Variants in NCKAP5L observed in about 807,000 individuals in gnomAD.
NCKAP5L encodes nck-associated protein 5-like.
NCKAP5L carries 54 observed loss-of-function variants against 103.2 expected under a neutral mutation model. The observed-to-expected ratio is 0.52, with a 90% CI of 0.42 to 0.66. The LOEUF (loss-of-function observed/expected upper bound fraction) is 0.66. Ranked by LOEUF, NCKAP5L falls within the 30% of genes least tolerant of loss-of-function variation. The pLI, the probability that NCKAP5L is intolerant of heterozygous loss-of-function variation, is 0.00. For synonymous variants in NCKAP5L, 762 were observed against 748.6 expected, an observed-to-expected ratio of 1.02 and a Z score of -0.29; for missense variants, 1,733 against 1,750.6, an observed-to-expected ratio of 0.99 and a Z score of 0.18.
chr12:49,824,027 G>A (rs1248023862), intron 1 of NCKAP5L, among the ~76,000 whole-genome samples: 1 of 152,230 alleles, frequency 6.6e-6, no homozygotes, highest in Non-Finnish European at 1.5e-5. Flanking sequence ...AGTGTTTTGG[G>A]AAGGTGCTGA....
At chr12:49,810,376 A>G (rs1312979003) in intron 1 of NCKAP5L, among the ~76,000 whole-genome samples, 1 of 152,156 alleles carries the variant, frequency 6.6e-6, no homozygotes, top group Non-Finnish European at 1.5e-5. Context: ...CATGGAGTCC[A>G]GTTCGAACTC....
chr12:49,813,002 C>T (rs149647556), intron 1 of NCKAP5L, among the ~76,000 whole-genome samples: 6 of 152,268 alleles, frequency 3.9e-5, no homozygotes, highest in Admixed American at 1.3e-4. Context: ...GCTATGTAAA[C>T]AGTTGTTACT....
chr12:49,797,330 A>G lies in NCKAP5L; in HGVS notation c.530T>C (p.Leu177Pro), dbSNP rs747705064. The change falls in exon 8 of 13, where the codon CTG (leucine) becomes CCG (proline). Residue 177 changes from leucine to proline, a missense_variant. Leu to Pro is a moderately conservative substitution (Grantham distance 98). Coordinates refer to ENST00000335999, the MANE Select transcript of NCKAP5L (RefSeq NM_001037806.4). The surrounding 1 kb of genome is among the most constrained non-coding windows in gnomAD (Gnocchi z 4.5). ...PGPPAAPPPA[L>P]DALSPFLRKK... ...CCGAAGGAACGGGGATAGGGCATCC[A>G]GCGCTGGGGGTGGGGCGGCTGGGGG... The G allele has an allele frequency of 7.4e-6, 12 of 1,612,620 alleles. No homozygotes were observed. Among genetic ancestry groups the G allele is most frequent in the African/African-American group, 5.3e-5 (4 of 74,896 alleles).
In NCKAP5L at chr12:49,795,628, C is replaced by G. The variant is rs757695125; in HGVS notation, c.2232G>C (p.Met744Ile). 1.0e-5 allele frequency: 16 copies of G among 1,607,822 alleles called. No individual in the cohort carries two copies. The highest frequency in any genetic ancestry group is 1.4e-5 in the Non-Finnish European group (16 of 1,177,040). Reference protein sequence around the residue: ...NSLKQQEPGLMGDPGARVYSS... With the variant: ...NSLKQQEPGLIGDPGARVYSS... ...AGTAGACTCGGGCCCCGGGATCCCC[C>G]ATAAGTCCAGGTTCCTGCTGCTTCA... Residue 744 changes from methionine (M) to isoleucine (I), a missense_variant, in exon 8 of 13, where the codon ATG (methionine) becomes ATC (isoleucine). Coordinates refer to ENST00000335999, the MANE Select transcript of NCKAP5L (RefSeq NM_001037806.4).
chr12:49,816,798 TAA>T (rs34850509), intron 1 of NCKAP5L, among the ~76,000 whole-genome samples: 12 of 138,134 alleles, frequency 8.7e-5, no homozygotes, highest in Admixed American at 2.2e-4. Flanking sequence ...GTCTGTCTCA[TAA>T]AAAAAAAAAA....
Position 49,793,444 on chromosome 12 carries a change from T to A in NCKAP5L, c.3259-11A>T. 1 of 1,609,158 alleles carries A rather than the reference T, an allele frequency of 6.2e-7. No homozygotes were observed. Among genetic ancestry groups the A allele is most frequent in the Non-Finnish European group, 8.5e-7 (1 of 1,179,538 alleles). On this transcript the variant is annotated splice_polypyrimidine_tract_variant and intron_variant, in intron 9 of 12. Coordinates refer to ENST00000335999, the MANE Select transcript of NCKAP5L (RefSeq NM_001037806.4). Reference sequence around the variant, plus strand: ...TGGCTCGCTGCTCGGCTGTGTGGGATACAGGAGACCTCATAGTCCACTCCT... The same window carrying A: ...TGGCTCGCTGCTCGGCTGTGTGGGAAACAGGAGACCTCATAGTCCACTCCT...
At chr12:49,800,357 T>A (rs1405542151) in intron 6 of NCKAP5L, among the ~76,000 whole-genome samples, 1 of 152,198 alleles carries the variant, frequency 6.6e-6, no homozygotes, top group African/African-American at 2.4e-5. Context: ...AGTCCCAGGG[T>A]CCTGGGCTCC....
intron 1 of NCKAP5L, among the ~76,000 whole-genome samples, chr12:49,827,149 T>G (rs1038435944): frequency 6.6e-6 from 1 of 152,120 alleles, no homozygotes; most frequent in Non-Finnish European, 1.5e-5. Context: ...GCTATGTTCA[T>G]TTTCCCCGAA....
At chr12:49,827,510 C>T (rs1946431596) in intron 1 of NCKAP5L, among the ~76,000 whole-genome samples, 1 of 152,236 alleles carries the variant, frequency 6.6e-6, no homozygotes, top group Non-Finnish European at 1.5e-5. Flanking sequence ...GGGCCCAGGA[C>T]AGGGAGAGGG....
Position 49,791,918 on chromosome 12 carries a change from C to A in NCKAP5L, c.3926G>T (p.Gly1309Val), listed in dbSNP as rs1488952496. The A allele has an allele frequency of 6.2e-7, 1 of 1,611,522 alleles. No individual in the cohort carries two copies. Among genetic ancestry groups the A allele is most frequent in the Non-Finnish European group, 8.5e-7 (1 of 1,179,118 alleles). ...MAEEGRVASG[G>V]PPGLETSESL... ...CTCCGAGGTCTCCAGCCCTGGGGGG[C>A]CCCCGCTGGCCACTCTGCCTTCCTC... Residue 1309 changes from glycine (G) to valine (V), a missense_variant, in exon 13 of 13, where the codon GGC (glycine) becomes GTC (valine). Coordinates refer to ENST00000335999, the MANE Select transcript of NCKAP5L (RefSeq NM_001037806.4).
At position 49,795,678 on chromosome 12, in the gene NCKAP5L, C is replaced by A. The variant is rs760633301; in HGVS notation, c.2182G>T (p.Ala728Ser). ...QLEAKGGIRG[A>S]VALGTNSLKQ... Reference sequence around the variant, plus strand: ...AGGCTGTTTGTGCCCAAGGCCACTGCCCCCCGTATCCCCCCCTTGGCTTCT... The same window carrying A: ...AGGCTGTTTGTGCCCAAGGCCACTGACCCCCGTATCCCCCCCTTGGCTTCT... The change falls in exon 8 of 13, where the codon GCA becomes TCA. Residue 728 changes from alanine (A) to serine (S), a missense_variant. By Grantham distance (99) the Ala-to-Ser change is moderately conservative. Coordinates refer to ENST00000335999, the MANE Select transcript of NCKAP5L (RefSeq NM_001037806.4). 4.3e-6 allele frequency: 7 copies of A among 1,611,722 alleles called. No homozygotes were observed. Among genetic ancestry groups the A allele is most frequent in the East Asian group, 4.5e-5 (2 of 44,806 alleles).
At chr12:49,816,949 G>T (rs764153496) in intron 1 of NCKAP5L, among the ~76,000 whole-genome samples, 1 of 152,164 alleles carries the variant, frequency 6.6e-6, no homozygotes, top group Non-Finnish European at 1.5e-5. Context: ...GCGATTCAGA[G>T]AAGGGTCAGC....
At position 49,792,843 on chromosome 12, in the gene NCKAP5L, G is replaced by A. The variant is rs745332555; in HGVS notation, c.3484C>T (p.Arg1162Trp). The change falls in exon 11 of 13, where the codon CGG (arginine) becomes TGG (tryptophan). Residue 1162 changes from arginine to tryptophan, a missense_variant. By Grantham distance (101) the Arg-to-Trp change is moderately radical. Coordinates refer to ENST00000335999, the MANE Select transcript of NCKAP5L (RefSeq NM_001037806.4). The surrounding 1 kb of genome is among the most constrained non-coding windows in gnomAD (Gnocchi z 4.5). ...LDPPPGVPPARPPPLTKVPRR... is the reference protein window; with the variant it reads ...LDPPPGVPPAWPPPLTKVPRR... The stretch of plus-strand genomic sequence containing the variant: ...GGGACTTTGGTAAGGGGTGGGGGCC[G>A]AGCTGGGGGTACCCCAGGTGGGGGA... The A allele has an allele frequency of 1.5e-5, 24 of 1,561,338 alleles. No homozygotes were observed. The highest frequency in any genetic ancestry group is 5.4e-5 in the Admixed American group (3 of 55,478).
chr12:49,803,277 C>T (rs1946141597), intron 3 of NCKAP5L, 112 bp from the exon 4 acceptor site: 1 of 975,682 alleles, frequency 1.0e-6, no homozygotes, highest in Non-Finnish European at 1.6e-6. Flanking sequence ...CTAACTATAC[C>T]CCCACTCCAG....
At chr12:49,794,512 A>G (rs575404952) in intron 8 of NCKAP5L, among the ~76,000 whole-genome samples, 1 of 152,194 alleles carries the variant, frequency 6.6e-6, no homozygotes, top group Non-Finnish European at 1.5e-5. Context: ...TGGTATGGAG[A>G]CCATCCAGGA....
intron 2 of NCKAP5L, chr12:49,805,134 C>T (rs1946165661): frequency 6.6e-6 from 1 of 152,600 alleles, no homozygotes; most frequent in Non-Finnish European, 1.5e-5. Flanking sequence ...CAGCTCCTCC[C>T]TATTCATCCT....
At chr12:49,826,330 C>T (rs1257765693) in intron 1 of NCKAP5L, among the ~76,000 whole-genome samples, 2 of 152,026 alleles carry the variant, frequency 1.3e-5, no homozygotes, top group African/African-American at 4.8e-5. Flanking sequence ...CCTCCTCTCT[C>T]AGCTCCTCTT....
Position 49,798,362 on chromosome 12 carries a change from A to G in NCKAP5L, c.453T>C (p.Ala151=), listed in dbSNP as rs1254236602. Residue 151 remains alanine, a synonymous_variant, in exon 7 of 13, where the codon GCT becomes GCC. Transcript: ENST00000335999. ...PAAPLPLGHC[A]GQREVCWEQQ... The stretch of plus-strand genomic sequence containing the variant: ...CTAGCCCTCCTACCTCTCTCTGCCC[A>G]GCACAGTGCCCCAGAGGCAGCGGGG... 6.4e-7 allele frequency: 1 copy of G among 1,560,670 alleles called. No individual in the cohort carries two copies. The highest frequency in any genetic ancestry group is 1.2e-5 in the South Asian group (1 of 84,684).
intron 1 of NCKAP5L, among the ~76,000 whole-genome samples, chr12:49,815,109 T>A (rs995810381): frequency 5.3e-5 from 8 of 152,250 alleles, no homozygotes; most frequent in Non-Finnish European, 1.0e-4. Flanking sequence ...TTAGGCAGTA[T>A]CTATTAATTG....
Sources: allele counts gnomAD v4.1 joint callset (sites outside exome capture counted in the v4.1 genomes callset), GRCh38; gene constraint gnomAD v4.1.1; non-coding constraint Gnocchi (gnomAD v3.1); transcripts MANE v1.5; gene names NCBI Gene and HGNC (gene_info 2026-07-23, HGNC 2026-07-21).